Variants in ARHGAP15 observed in about 807,000 individuals in gnomAD.
ARHGAP15 encodes the protein Rho GTPase activating protein 15.
In ARHGAP15, 51 loss-of-function variants were observed where a neutral mutation model predicts 63.7. The ratio of observed to expected loss-of-function variants is 0.80; its 90% CI spans 0.64 to 1.01. The LOEUF (loss-of-function observed/expected upper bound fraction) is 1.01, where lower values mean the gene tolerates loss of function less well. ARHGAP15 is among the 50% of genes least tolerant of loss of function. The pLI, the probability that ARHGAP15 is intolerant of heterozygous loss-of-function variation, is 0.00. For missense variants in ARHGAP15, 560 were observed against 564.6 expected (o/e 0.99, Z 0.08); for synonymous variants, 191 against 193.8 (o/e 0.99, Z 0.12).
intron 8 of ARHGAP15, among the ~76,000 whole-genome samples, chr2:143,485,500 T>C (rs987529707): frequency 2.6e-5 from 4 of 152,184 alleles, no homozygotes; most frequent in African/African-American, 9.7e-5. Context: ...TTCTTTTACA[T>C]TTTCTCAATG....
intron 12 of ARHGAP15, among the ~76,000 whole-genome samples, chr2:143,644,789 T>C (rs1680788619): frequency 6.6e-6 from 1 of 152,100 alleles, no homozygotes; most frequent in South Asian, 2.1e-4. Flanking sequence ...TAAATGTGTA[T>C]GCATGTTAAG....
At chr2:143,688,605 C>A (rs1458789861) in intron 12 of ARHGAP15, among the ~76,000 whole-genome samples, 1 of 152,146 alleles carries the variant, frequency 6.6e-6, no homozygotes, top group East Asian at 1.9e-4. Flanking sequence ...TTTGATTCAT[C>A]ACTTAGTAGA....
intron 10 of ARHGAP15, among the ~76,000 whole-genome samples, chr2:143,541,760 G>A (rs1038576953): frequency 7.2e-5 from 11 of 152,054 alleles, no homozygotes; most frequent in East Asian, 1.9e-4. Flanking sequence ...AGGAGTACCC[G>A]GCCGTGTGAG....
At chr2:143,201,547 C>T (rs183125606) in intron 2 of ARHGAP15, among the ~76,000 whole-genome samples, 64 of 152,070 alleles carry the variant, frequency 4.2e-4, no homozygotes, top group African/African-American at 1.4e-3. Flanking sequence ...CAATTGATCT[C>T]ATAGAGATAG....
At chr2:143,410,730 A>G (rs1346576287) in intron 6 of ARHGAP15, among the ~76,000 whole-genome samples, 1 of 152,090 alleles carries the variant, frequency 6.6e-6, no homozygotes, top group Non-Finnish European at 1.5e-5. Context: ...TAAAACAGAG[A>G]GCAGATACTG....
chr2:143,148,665 A>C (rs528641134), intron 1 of ARHGAP15, among the ~76,000 whole-genome samples: 1 of 152,106 alleles, frequency 6.6e-6, no homozygotes. Context: ...AAAACTTATT[A>C]TCACATTTCC....
At chr2:143,579,690 T>A (rs1185148248) in intron 11 of ARHGAP15, among the ~76,000 whole-genome samples, 1 of 136,252 alleles carries the variant, frequency 7.3e-6, no homozygotes, top group Non-Finnish European at 1.5e-5. Context: ...CAGATCTTTT[T>A]GTCGAGGGAA....
chr2:143,662,603 G>A lies in ARHGAP15; in HGVS notation c.1138+38336G>A, dbSNP rs1230772032. 5.2e-5 allele frequency among the ~76,000 whole-genome samples: 6 copies of A among 114,690 alleles called. 1 individual carries two copies. The highest frequency in any genetic ancestry group is 1.4e-4 in the African/African-American group (5 of 36,474). The allele number at this position is 114,690 out of a possible 152,430, so 75.2% of individuals were successfully genotyped here. On this transcript the variant is annotated intron_variant, in intron 12 of 13. Transcript: ENST00000295095. Reference sequence around the variant, plus strand: ...GAGCCGAGAGAAGAAGGCTTCAGACGATCAAATTACTCTGAGCTACGGGAG... The same window carrying A: ...GAGCCGAGAGAAGAAGGCTTCAGACAATCAAATTACTCTGAGCTACGGGAG...
rs1178365496 is a variant in ARHGAP15, at chr2:143,437,058, G to C, written c.703+16G>C. The C allele has an allele frequency of 2.5e-6, 4 of 1,585,584 alleles. No homozygotes were observed. In the Admixed American group the frequency reaches 7.9e-5, roughly 31 times the overall value. On this transcript the variant is annotated intron_variant, in intron 8 of 13. Coordinates refer to ENST00000295095, the MANE Select transcript of ARHGAP15 (RefSeq NM_018460.4). ...AAATCTTTAAGTGAGTATTTTCTTT[G>C]ACTTGCTCATTTTAAGTTTGTCTAA... is the stretch of plus-strand genomic sequence containing the variant.
intron 8 of ARHGAP15, among the ~76,000 whole-genome samples, chr2:143,462,426 T>C (rs188664079): frequency 6.6e-6 from 1 of 152,042 alleles, no homozygotes; most frequent in Non-Finnish European, 1.5e-5. Flanking sequence ...TGCAATGCCA[T>C]GATAGCAAAA....
chr2:143,315,480 G>A (rs1424315784), intron 6 of ARHGAP15, among the ~76,000 whole-genome samples: 3 of 151,968 alleles, frequency 2.0e-5, no homozygotes, highest in Admixed American at 2.0e-4. Flanking sequence ...AGAATTGCTG[G>A]GATAATTTTT....
At chr2:143,663,694 A>G (rs1337206608) in intron 12 of ARHGAP15, among the ~76,000 whole-genome samples, 2 of 152,044 alleles carry the variant, frequency 1.3e-5, no homozygotes, top group Admixed American at 6.6e-5. Flanking sequence ...AGACACATAT[A>G]GGCTCAAAAT....
intron 12 of ARHGAP15, among the ~76,000 whole-genome samples, chr2:143,644,569 T>C (rs10198154): frequency 0.022 from 3,349 of 152,126 alleles, 135 homozygotes; most frequent in African/African-American, 0.077. Context: ...AGGTATCATG[T>C]TCTGAGCCCC....
intron 8 of ARHGAP15, among the ~76,000 whole-genome samples, chr2:143,452,130 T>C (rs1417416905): frequency 6.6e-6 from 1 of 152,034 alleles, no homozygotes; most frequent in African/African-American, 2.4e-5. Context: ...GGCTGGATGA[T>C]GCTGACTCTA....
chr2:143,235,239 G>GTT (rs752876779), intron 5 of ARHGAP15, among the ~76,000 whole-genome samples: 4 of 143,430 alleles, frequency 2.8e-5, no homozygotes, highest in South Asian at 2.3e-4. Flanking sequence ...ACATAGTAGA[G>GTT]TTGTTTTTTT....
intron 2 of ARHGAP15, among the ~76,000 whole-genome samples, chr2:143,172,733 G>A (rs1259936482): frequency 6.6e-6 from 1 of 152,076 alleles, no homozygotes; most frequent in African/African-American, 2.4e-5. Context: ...GAGGTGAGAT[G>A]TCAAGTGGGT....
intron 11 of ARHGAP15, among the ~76,000 whole-genome samples, chr2:143,605,892 C>T (rs532304058): frequency 4.5e-4 from 51 of 114,124 alleles, no homozygotes; most frequent in Non-Finnish European, 5.5e-4. Context: ...AAAAATTAGC[C>T]AGGCATAGCG....
chr2:143,567,025 G>A (rs545681787), intron 11 of ARHGAP15, among the ~76,000 whole-genome samples: 99 of 151,916 alleles, frequency 6.5e-4, no homozygotes, highest in African/African-American at 1.9e-3. Flanking sequence ...ACAGGTGCCC[G>A]CCACCACGCC....
At chr2:143,182,015 C>T (rs1439135970) in intron 2 of ARHGAP15, among the ~76,000 whole-genome samples, 3 of 150,294 alleles carry the variant, frequency 2.0e-5, no homozygotes, top group Admixed American at 1.3e-4. Context: ...GATCTTGGCT[C>T]ACTGAAACCC....
Sources: gnomAD v4.1 joint callset for allele counts (sites outside exome capture counted in the v4.1 genomes callset) on GRCh38, gnomAD v4.1.1 for gene constraint, MANE v1.5 for transcripts, NCBI Gene and HGNC (gene_info 2026-07-23, HGNC 2026-07-21) for gene names.